CADM1: variants seen among roughly 807,000 people sequenced by gnomAD.
CADM1 encodes the protein TSLC-1.
CADM1 carries 15 observed loss-of-function variants against 53.1 expected under a neutral mutation model. That is an observed-to-expected ratio of 0.28 (90% CI 0.19 to 0.44). The LOEUF (loss-of-function observed/expected upper bound fraction) is 0.44. CADM1 is among the 20% of genes least tolerant of loss of function. The pLI is 1.00. For missense variants in CADM1, 434 were observed against 611.3 expected (o/e 0.71, Z 3.06); for synonymous variants, 281 against 243.0 (o/e 1.16, Z -1.45).
At chr11:115,284,448 T>C (rs1180635693) in intron 1 of CADM1, among the ~76,000 whole-genome samples, 3 of 152,000 alleles carry the variant, frequency 2.0e-5, no homozygotes, top group African/African-American at 7.2e-5. Flanking sequence ...GATTTTCATG[T>C]CAGTTTCACT....
chr11:115,256,949 A>T (rs1263311132), intron 1 of CADM1: 21 of 455,288 alleles, frequency 4.6e-5, no homozygotes, highest in Non-Finnish European at 6.6e-5. Flanking sequence ...CTCTTAAAAA[A>T]GTCGTTAGGT....
intron 1 of CADM1, among the ~76,000 whole-genome samples, chr11:115,449,391 TG>T (rs1195584063): frequency 6.6e-6 from 1 of 152,216 alleles, no homozygotes; most frequent in Non-Finnish European, 1.5e-5. Flanking sequence ...AGAGGCTCAA[TG>T]GTCTTACCAG....
chr11:115,411,323 C>G (rs1000003478), intron 1 of CADM1, among the ~76,000 whole-genome samples: 1 of 152,172 alleles, frequency 6.6e-6, no homozygotes, highest in Non-Finnish European at 1.5e-5. Flanking sequence ...TTATTTCAGG[C>G]CCATTTAACA....
intron 1 of CADM1, among the ~76,000 whole-genome samples, chr11:115,335,798 C>T (rs933624358): frequency 6.6e-6 from 1 of 152,100 alleles, no homozygotes; most frequent in Non-Finnish European, 1.5e-5. Context: ...ATTAGTATCA[C>T]CACCAATATC....
chr11:115,278,999 GATGGTGTGTAGGACTAC>G (rs1162700563), intron 1 of CADM1, among the ~76,000 whole-genome samples: 1 of 152,162 alleles, frequency 6.6e-6, no homozygotes, highest in Non-Finnish European at 1.5e-5. Flanking sequence ...CCACTAGCTG[GATGGTGTGTAGGACTAC>G]ATTTTCCAAG....
chr11:115,403,744 G>A (rs1947224108), intron 1 of CADM1, among the ~76,000 whole-genome samples: 1 of 151,738 alleles, frequency 6.6e-6, no homozygotes, highest in African/African-American at 2.4e-5. Flanking sequence ...CTACAGGTGT[G>A]TGCCATCATA....
intron 1 of CADM1, among the ~76,000 whole-genome samples, chr11:115,503,198 G>C (rs1351315948): frequency 6.6e-6 from 1 of 152,216 alleles, no homozygotes; most frequent in Non-Finnish European, 1.5e-5. Flanking sequence ...GAAGAGCTCC[G>C]GCTCCCTTTT....
intron 5 of CADM1, among the ~76,000 whole-genome samples, chr11:115,222,639 C>A (rs1028360327): frequency 1.3e-5 from 2 of 151,892 alleles, no homozygotes; most frequent in Non-Finnish European, 2.9e-5. Context: ...GAGGGCTGAA[C>A]GATTGTGAGT....
intron 1 of CADM1, among the ~76,000 whole-genome samples, chr11:115,472,464 T>C (rs970418436): frequency 6.6e-6 from 1 of 152,218 alleles, no homozygotes; most frequent in African/African-American, 2.4e-5. Context: ...GGGGTGTGTG[T>C]GTGAGAGAGA....
chr11:115,245,571 G>A (rs142022672), intron 1 of CADM1, among the ~76,000 whole-genome samples: 3 of 152,278 alleles, frequency 2.0e-5, no homozygotes, highest in South Asian at 4.1e-4. Flanking sequence ...CAACTTGGAA[G>A]AAGAACCTCT....
intron 1 of CADM1, among the ~76,000 whole-genome samples, chr11:115,329,433 T>C (rs11215497): frequency 0.43 from 65,957 of 151,662 alleles, 15,043 homozygotes; most frequent in East Asian, 0.82. Flanking sequence ...AACGGGAGAG[T>C]TCCCTGACCC....
intron 1 of CADM1, among the ~76,000 whole-genome samples, chr11:115,490,786 T>C (rs1212839736): frequency 6.6e-6 from 1 of 152,174 alleles, no homozygotes; most frequent in Non-Finnish European, 1.5e-5. Context: ...AACATAGATA[T>C]AGTTCAGATC....
At chr11:115,331,493 G>C (rs1462751239) in intron 1 of CADM1, among the ~76,000 whole-genome samples, 2 of 152,022 alleles carry the variant, frequency 1.3e-5, no homozygotes, top group African/African-American at 4.8e-5. Context: ...CATTGTTCAG[G>C]TTATTCCAAC....
At chr11:115,343,052 T>C (rs1403393626) in intron 1 of CADM1, among the ~76,000 whole-genome samples, 2 of 152,196 alleles carry the variant, frequency 1.3e-5, no homozygotes, top group African/African-American at 4.8e-5. Context: ...ATGAAGATTA[T>C]GATGGTAATA....
At position 115,481,001 on chromosome 11, in the gene CADM1, T is replaced by C. The variant is rs1245415012; in HGVS notation, c.124+23270A>G. 4.6e-5 allele frequency among the ~76,000 whole-genome samples: 7 copies of C among 151,966 alleles called. No individual in the cohort carries two copies. In the East Asian group the frequency reaches 1.4e-3, roughly 30 times the overall value. ...TCAACTCTCACTTTCCTATTTTTCA[T>C]CTCCCTCTGTAATATCTCTTATTTT... On this transcript the variant is annotated intron_variant, in intron 1 of 11. Coordinates refer to ENST00000331581, the MANE Select transcript of CADM1 (RefSeq NM_001301043.2).
Position 115,186,544 on chromosome 11 carries a change from C to G in CADM1, c.1165+4344G>C, listed in dbSNP as rs181379448. ...GGTGGCCCCTGCAAACCAAAGTCCT[C>G]TATTTCCTCTAGAGCCAGGAAGACC... is the stretch of plus-strand genomic sequence containing the variant. On this transcript the variant is annotated intron_variant, in intron 10 of 11. Coordinates refer to ENST00000331581, the MANE Select transcript of CADM1 (RefSeq NM_001301043.2). Among the ~76,000 whole-genome samples the G allele has an allele frequency of 5.3e-5, 8 of 152,326 alleles. No homozygotes were observed. In the East Asian group the frequency reaches 1.5e-3, roughly 29 times the overall value.
chr11:115,376,206 G>A (rs2135140142), intron 1 of CADM1, among the ~76,000 whole-genome samples: 1 of 152,086 alleles, frequency 6.6e-6, no homozygotes, highest in African/African-American at 2.4e-5. Flanking sequence ...TTGTAAATGG[G>A]GAAATAGTGC....
intron 1 of CADM1, among the ~76,000 whole-genome samples, chr11:115,465,879 A>G (rs1948889836): frequency 6.6e-6 from 1 of 152,164 alleles, no homozygotes. Flanking sequence ...TTTGATGAGC[A>G]CCACTGGCTT....
intron 1 of CADM1, among the ~76,000 whole-genome samples, chr11:115,300,128 A>G (rs573149412): frequency 7.2e-5 from 11 of 152,268 alleles, no homozygotes; most frequent in Admixed American, 7.2e-4. Flanking sequence ...GGGAAGTAAA[A>G]CATTAAAACA....
Sources: gnomAD v4.1 joint callset for allele counts (sites outside exome capture counted in the v4.1 genomes callset) on GRCh38, gnomAD v4.1.1 for gene constraint, MANE v1.5 for transcripts, NCBI Gene and HGNC (gene_info 2026-07-23, HGNC 2026-07-21) for gene names.